FOXN3: variants seen among roughly 807,000 people sequenced by gnomAD.
FOXN3 encodes the protein forkhead box protein N3.
FOXN3 carries 7 observed loss-of-function variants against 38.4 expected under a neutral mutation model. The ratio of observed to expected loss-of-function variants is 0.18; its 90% CI spans 0.10 to 0.34. The LOEUF (loss-of-function observed/expected upper bound fraction) is 0.34. Ranked by LOEUF, FOXN3 falls within the 10% of genes least tolerant of loss-of-function variation. FOXN3 has a pLI of 1.00. For missense variants in FOXN3, 456 were observed against 613.4 expected (o/e 0.74, Z 2.71); for synonymous variants, 230 against 242.2 (o/e 0.95, Z 0.47).
chr14:89,419,481 G>A, upstream of FOXN3: 1 of 294,568 alleles, frequency 3.4e-6, no homozygotes, highest in South Asian at 3.1e-5. Flanking sequence ...AAGCTGCATT[G>A]TCTAATGTCT....
intron 2 of FOXN3, among the ~76,000 whole-genome samples, chr14:89,391,219 G>A (rs1307970643): frequency 2.0e-5 from 3 of 152,124 alleles, no homozygotes; most frequent in Non-Finnish European, 2.9e-5. Context: ...CCTCCTCCTC[G>A]AAAAACAGAC....
At chr14:89,284,321 T>A (rs1479149091) in intron 3 of FOXN3, 5 of 374,808 alleles carry the variant, frequency 1.3e-5, no homozygotes, top group Non-Finnish European at 2.7e-5. Flanking sequence ...CCTTCCCCGT[T>A]CTATAGGGAG....
intron 3 of FOXN3, among the ~76,000 whole-genome samples, chr14:89,320,149 G>A (rs556417349): frequency 8.5e-5 from 13 of 152,354 alleles, no homozygotes; most frequent in Admixed American, 2.6e-4. Flanking sequence ...AAAGGGGAAA[G>A]TCAGAGGCTC....
Position 89,552,020 on chromosome 14 carries a change from T to C in FOXN3, c.-15+67008A>G, listed in dbSNP as rs560001502. 2.6e-5 allele frequency among the ~76,000 whole-genome samples: 4 copies of C among 152,388 alleles called. No individual in the cohort carries two copies. The South Asian group carries it at 8.3e-4, about 32-fold the overall frequency. On this transcript the variant is annotated intron_variant, in intron 1 of 6. Coordinates refer to the FOXN3 transcript ENST00000345097. Reference sequence around the variant, plus strand: ...AGAATATCACATGCTGCTGTTATCATGGTCTGATGATCTCCGGAAAATTAA... The same window carrying C: ...AGAATATCACATGCTGCTGTTATCACGGTCTGATGATCTCCGGAAAATTAA...
At chr14:89,311,639 A>G (rs1182581197) in intron 3 of FOXN3, among the ~76,000 whole-genome samples, 2 of 145,922 alleles carry the variant, frequency 1.4e-5, no homozygotes, top group Non-Finnish European at 2.9e-5. Flanking sequence ...ATCCTGGCTA[A>G]CCGGATGAAA....
At position 89,463,086 on chromosome 14, in the gene FOXN3, T is replaced by C. The variant is rs376381158; in HGVS notation, c.-14-50596A>G. Among the ~76,000 whole-genome samples the C allele has an allele frequency of 3.7e-3, 557 of 149,848 alleles. 1 individual carries two copies. Among genetic ancestry groups the C allele is most frequent in the African/African-American group, 0.011 (447 of 40,374 alleles). On this transcript the variant is annotated intron_variant, in intron 1 of 6. Coordinates refer to the FOXN3 transcript ENST00000345097. The stretch of plus-strand genomic sequence containing the variant: ...AGGGCGGATCACGAGGTCAGGAGAT[T>C]GAGAAGATCTGGCTAACACGGTGAA...
chr14:89,585,285 C>A (rs1895820694), intron 1 of FOXN3, among the ~76,000 whole-genome samples: 1 of 152,210 alleles, frequency 6.6e-6, no homozygotes, highest in African/African-American at 2.4e-5. Flanking sequence ...CATTCTCAAT[C>A]CTTTCCTGAG....
intron 5 of FOXN3, among the ~76,000 whole-genome samples, chr14:89,169,527 A>ACACACACACT (rs60827900): frequency 1.4e-5 from 2 of 145,240 alleles, no homozygotes; most frequent in Non-Finnish European, 3.1e-5. Flanking sequence ...ACACACACAC[A>ACACACACACT]CTCACAAAAC....
intron 3 of FOXN3, among the ~76,000 whole-genome samples, chr14:89,347,438 C>G (rs1326932416): frequency 3.9e-5 from 6 of 152,172 alleles, no homozygotes; most frequent in African/African-American, 1.4e-4. Context: ...GGAACAGACC[C>G]TCCCTCACAG....
intron 1 of FOXN3, among the ~76,000 whole-genome samples, chr14:89,452,300 A>C (rs1892629314): frequency 6.6e-6 from 1 of 152,206 alleles, no homozygotes. Flanking sequence ...CTTCCAAGGA[A>C]AGATAAGGTA....
chr14:89,168,739 A>C (rs576444364), intron 5 of FOXN3, among the ~76,000 whole-genome samples: 9 of 152,338 alleles, frequency 5.9e-5, no homozygotes, highest in Non-Finnish European at 1.3e-4. Flanking sequence ...TGATGACGGT[A>C]CCAATCTTCA....
chr14:89,272,004 A>T (rs979609654), intron 4 of FOXN3, among the ~76,000 whole-genome samples: 1 of 152,222 alleles, frequency 6.6e-6, no homozygotes, highest in African/African-American at 2.4e-5. Context: ...CAAATGCATA[A>T]GGCTAGTACA....
At chr14:89,493,852 C>A (rs1161989118) in intron 1 of FOXN3, 2 of 150,470 alleles carry the variant, frequency 1.3e-5, no homozygotes, top group Non-Finnish European at 3.0e-5. Context: ...CCATCTCTAC[C>A]CCCCTCCAAA....
At chr14:89,370,012 A>G (rs1471743870) in intron 2 of FOXN3, among the ~76,000 whole-genome samples, 2 of 152,274 alleles carry the variant, frequency 1.3e-5, no homozygotes, top group East Asian at 3.8e-4. Flanking sequence ...TGGATTATCC[A>G]ACTGCACTAA....
At chr14:89,426,998 G>A (rs949777650) in intron 1 of FOXN3, among the ~76,000 whole-genome samples, 8 of 151,998 alleles carry the variant, frequency 5.3e-5, no homozygotes, top group Non-Finnish European at 1.0e-4. Context: ...TTGAGAAACC[G>A]AGGCGGGTGG....
chr14:89,312,947 G>C (rs1247057699), intron 3 of FOXN3, among the ~76,000 whole-genome samples: 2 of 152,172 alleles, frequency 1.3e-5, no homozygotes, highest in Non-Finnish European at 2.9e-5. Flanking sequence ...AAGGTCTCAA[G>C]AGGCCTGGGA....
rs1262883551 is a variant in FOXN3, at chr14:89,505,808, A to G, written c.-14-93318T>C. On this transcript the variant is annotated intron_variant, in intron 1 of 6. Transcript: ENST00000345097. ...AAGTGAGGAGCGCCTCTTCCCGGCC[A>G]CCATCCCATCTAGGAAGTGAGGAGC... 1.1e-4 allele frequency among the ~76,000 whole-genome samples: 16 copies of G among 150,702 alleles called. No individual in the cohort carries two copies. In the South Asian group the frequency reaches 1.9e-3, roughly 18 times the overall value.
chr14:89,364,309 T>C (rs1310907100), intron 2 of FOXN3: 1 of 151,730 alleles, frequency 6.6e-6, no homozygotes, highest in African/African-American at 2.4e-5. Flanking sequence ...TTCAGTTTTA[T>C]GTCCAACCTT....
chr14:89,285,347 C>T (rs1284429814), intron 3 of FOXN3, among the ~76,000 whole-genome samples: 3 of 152,026 alleles, frequency 2.0e-5, no homozygotes, highest in Non-Finnish European at 2.9e-5. Flanking sequence ...GGTGAAACCC[C>T]GTCTCCACTA....
Sources: gnomAD v4.1 joint callset for allele counts (sites outside exome capture counted in the v4.1 genomes callset) on GRCh38, gnomAD v4.1.1 for gene constraint, MANE v1.5 for transcripts, NCBI Gene and HGNC (gene_info 2026-07-23, HGNC 2026-07-21) for gene names.